Variants in NCK1 observed in about 807,000 individuals in gnomAD.
NCK1 encodes NCK adaptor protein 1.
NCK1 carries 19 observed loss-of-function variants against 36.6 expected under a neutral mutation model. The observed-to-expected ratio is 0.52, with a 90% CI of 0.36 to 0.76. The LOEUF (loss-of-function observed/expected upper bound fraction) is 0.76, where lower values mean the gene tolerates loss of function less well. Ranked by LOEUF, NCK1 falls within the 30% of genes least tolerant of loss-of-function variation. NCK1 has a pLI of 0.00. For synonymous variants in NCK1, 165 were observed against 156.0 expected, an observed-to-expected ratio of 1.06 and a Z score of -0.43; for missense variants, 358 against 445.6, an observed-to-expected ratio of 0.80 and a Z score of 1.77.
intron 1 of NCK1, among the ~76,000 whole-genome samples, chr3:136,866,704 C>G (rs1247273173): frequency 6.6e-6 from 1 of 151,784 alleles, no homozygotes; most frequent in African/African-American, 2.4e-5. Flanking sequence ...ACCTCCGTCT[C>G]CTTGGTTCAA....
intron 1 of NCK1, among the ~76,000 whole-genome samples, chr3:136,870,239 G>A (rs191218019): frequency 6.1e-4 from 93 of 151,774 alleles, no homozygotes; most frequent in African/African-American, 2.0e-3. Context: ...CTACTTGGGA[G>A]GCTGCTGCAG....
chr3:136,880,133 A>C (rs1938888205), intron 1 of NCK1, among the ~76,000 whole-genome samples: 1 of 152,010 alleles, frequency 6.6e-6, no homozygotes, highest in South Asian at 2.1e-4. Context: ...AAATACAAAA[A>C]AATTAGCCGG....
chr3:136,865,928 C>T (rs1444547384), intron 1 of NCK1, among the ~76,000 whole-genome samples: 8 of 152,286 alleles, frequency 5.3e-5, no homozygotes, highest in East Asian at 1.9e-4. Flanking sequence ...TATCTCTATG[C>T]GTGTAACAAT....
intron 2 of NCK1, among the ~76,000 whole-genome samples, chr3:136,929,692 G>T (rs1362187903): frequency 6.6e-6 from 1 of 152,150 alleles, no homozygotes; most frequent in Non-Finnish European, 1.5e-5. Flanking sequence ...CGTGCACAGG[G>T]TACTAAGACA....
chr3:136,866,389 C>G (rs1938412407), intron 1 of NCK1, among the ~76,000 whole-genome samples: 1 of 151,454 alleles, frequency 6.6e-6, no homozygotes, highest in Non-Finnish European at 1.5e-5. Flanking sequence ...CTCCCCGTAA[C>G]CTCTGCCTCC....
chr3:136,945,608 T>C lies in NCK1; in HGVS notation c.252T>C (p.Pro84=), dbSNP rs1462413898. 1 of 1,609,004 alleles carries C rather than the reference T, an allele frequency of 6.2e-7. No homozygotes were observed. The highest frequency in any genetic ancestry group is 1.7e-5 in the Admixed American group (1 of 59,518). ...GCATTGGAAAAGTGAAAAGAAAACC[T>C]AGTGTGCCAGATTCTGCATCTCCTG... is the stretch of plus-strand genomic sequence containing the variant. ...TLGIGKVKRK[P]SVPDSASPAD... Residue 84 remains proline (P), a synonymous_variant, in exon 3 of 4, where the codon CCT becomes CCC. Coordinates refer to ENST00000481752, the MANE Select transcript of NCK1 (RefSeq NM_001291999.2).
chr3:136,880,142 G>A (rs1196275324), intron 1 of NCK1, among the ~76,000 whole-genome samples: 4 of 152,002 alleles, frequency 2.6e-5, no homozygotes, highest in East Asian at 1.9e-4. Context: ...AAAATTAGCC[G>A]GGTGTGGTGG....
intron 1 of NCK1, among the ~76,000 whole-genome samples, chr3:136,895,224 C>T (rs1379330349): frequency 6.6e-6 from 1 of 152,002 alleles, no homozygotes; most frequent in African/African-American, 2.4e-5. Context: ...TTCACTTTAA[C>T]GTAGTCAACT....
At position 136,899,832 on chromosome 3, in the gene NCK1, A is replaced by G. The variant is rs1290309649; in HGVS notation, c.-18-28152A>G. ...CACTGATAAAGCTAGTGCAACTTCT[A>G]AGTCTCTCTGGTAGAGCTTATCATC... On this transcript the variant is annotated intron_variant, in intron 1 of 3. Transcript: ENST00000481752. The G allele has an allele frequency of 5.4e-6, 8 of 1,480,210 alleles. No homozygotes were observed. In the South Asian group the frequency reaches 9.1e-5, roughly 17 times the overall value. 91.7% of individuals were successfully genotyped at this position (1,480,210 alleles called of 1,614,324 possible).
intron 2 of NCK1, among the ~76,000 whole-genome samples, chr3:136,943,784 A>T (rs1410473130): frequency 1.3e-5 from 2 of 152,236 alleles, no homozygotes; most frequent in South Asian, 4.1e-4. Context: ...ATGCAGTGTT[A>T]TAATAACAAG....
chr3:136,877,140 C>A lies in NCK1; in HGVS notation c.-19+14787C>A, dbSNP rs1938797981. 2.0e-5 allele frequency among the ~76,000 whole-genome samples: 3 copies of A among 152,220 alleles called. No individual in the cohort carries two copies. The South Asian group carries it at 6.2e-4, about 32-fold the overall frequency. ...GACAAAAATACATAAAAGATTTAAA[C>A]ACTATAATTATCAAATGAATCTAAT... On this transcript the variant is annotated intron_variant, in intron 1 of 3. Coordinates refer to ENST00000481752, the MANE Select transcript of NCK1 (RefSeq NM_001291999.2).
chr3:136,921,808 G>C (rs761241226), intron 1 of NCK1, among the ~76,000 whole-genome samples: 1 of 152,100 alleles, frequency 6.6e-6, no homozygotes, highest in Non-Finnish European at 1.5e-5. Flanking sequence ...GTTTTGAGAC[G>C]GAGTCTGTCT....
intron 1 of NCK1, among the ~76,000 whole-genome samples, chr3:136,903,444 G>T (rs969614396): frequency 6.6e-6 from 1 of 152,186 alleles, no homozygotes; most frequent in African/African-American, 2.4e-5. Flanking sequence ...ATTTAATTGA[G>T]ATGGAGTTTT....
At chr3:136,941,894 A>G (rs1004265701) in intron 2 of NCK1, among the ~76,000 whole-genome samples, 1 of 152,118 alleles carries the variant, frequency 6.6e-6, no homozygotes, top group Non-Finnish European at 1.5e-5. Context: ...GCTGGAGTAC[A>G]GTGGTGCGGT....
At chr3:136,943,377 T>C (rs1288520468) in intron 2 of NCK1, among the ~76,000 whole-genome samples, 2 of 152,320 alleles carry the variant, frequency 1.3e-5, no homozygotes, top group South Asian at 2.1e-4. Context: ...TTATTTTTAT[T>C]TGGACATGAG....
intron 2 of NCK1, among the ~76,000 whole-genome samples, chr3:136,945,253 T>A (rs1245430073): frequency 6.6e-6 from 1 of 152,330 alleles, no homozygotes; most frequent in Admixed American, 6.5e-5. Flanking sequence ...ATTGTAGCTA[T>A]GAAAGAAATC....
At chr3:136,914,011 A>T (rs1396042257) in intron 1 of NCK1, among the ~76,000 whole-genome samples, 1 of 152,198 alleles carries the variant, frequency 6.6e-6, no homozygotes, top group Non-Finnish European at 1.5e-5. Context: ...TGAATGTCCT[A>T]GTCCTTTAAT....
chr3:136,945,435 G>C (rs2108152155), intron 2 of NCK1, 148 bp from the exon 3 acceptor site: 2 of 538,202 alleles, frequency 3.7e-6, no homozygotes, highest in South Asian at 5.6e-5. Flanking sequence ...CCAAAAAGAT[G>C]ATTTTTAACT....
intron 2 of NCK1, among the ~76,000 whole-genome samples, chr3:136,942,709 T>C (rs1287793474): frequency 1.3e-5 from 2 of 152,192 alleles, no homozygotes; most frequent in African/African-American, 4.8e-5. Context: ...TTGATTGGTA[T>C]ACACACCCCT....
Sources: allele counts gnomAD v4.1 joint callset (sites outside exome capture counted in the v4.1 genomes callset), GRCh38; gene constraint gnomAD v4.1.1; transcripts MANE v1.5; gene names NCBI Gene and HGNC (gene_info 2026-07-23, HGNC 2026-07-21).